The following PDE1C variants were observed in gnomAD, a reference collection of about 807,000 sequenced individuals.
PDE1C encodes phosphodiesterase 1C.
Under a neutral mutation model 93.1 loss-of-function variants are expected in PDE1C, and 62 were observed. The observed-to-expected ratio is 0.67, with a 90% CI of 0.54 to 0.82. The LOEUF (loss-of-function observed/expected upper bound fraction) is 0.82. PDE1C is among the 40% of genes least tolerant of loss of function. The pLI, the probability that PDE1C is intolerant of heterozygous loss-of-function variation, is 0.00. For missense variants in PDE1C, 742 were observed against 884.6 expected (o/e 0.84, Z 2.04); for synonymous variants, 325 against 310.1 (o/e 1.05, Z -0.50).
chr7:32,117,710 G>A (rs1196645471), intron 3 of PDE1C, among the ~76,000 whole-genome samples: 2 of 152,174 alleles, frequency 1.3e-5, no homozygotes, highest in East Asian at 3.9e-4. Context: ...GGCTAGAGGT[G>A]TGTTTCTTAT....
At chr7:31,677,750 T>C in the PDE1C span, among the ~76,000 whole-genome samples, 687 of 152,260 alleles carry the variant, frequency 4.5e-3, 4 homozygotes, top group African/African-American at 0.016. Context: ...AGCTATGGCA[T>C]TTCCTCAGCA....
At chr7:32,017,423 A>G (rs1234243049) in intron 2 of PDE1C, among the ~76,000 whole-genome samples, 2 of 152,188 alleles carry the variant, frequency 1.3e-5, no homozygotes, top group Non-Finnish European at 2.9e-5. Context: ...ATAAATCTAC[A>G]TGACCTTAGA....
At chr7:31,919,227 G>C (rs1434822054) in intron 2 of PDE1C, among the ~76,000 whole-genome samples, 1 of 152,174 alleles carries the variant, frequency 6.6e-6, no homozygotes, top group African/African-American at 2.4e-5. Context: ...TAAATATTTA[G>C]CTTAGGTATC....
At chr7:32,328,207 T>G (rs1783442529) in intron 1 of PDE1C, among the ~76,000 whole-genome samples, 1 of 152,208 alleles carries the variant, frequency 6.6e-6, no homozygotes, top group South Asian at 2.1e-4. Flanking sequence ...TGCCAAGGCT[T>G]GATTTTGTGC....
chr7:31,889,418 G>A (rs1272266152), intron 2 of PDE1C, among the ~76,000 whole-genome samples: 1 of 152,192 alleles, frequency 6.6e-6, no homozygotes, highest in Non-Finnish European at 1.5e-5. Context: ...AATGTAAGTT[G>A]TTTTTGAACT....
the PDE1C span, among the ~76,000 whole-genome samples, chr7:31,634,345 T>C: frequency 6.6e-6 from 1 of 152,244 alleles, no homozygotes; most frequent in African/African-American, 2.4e-5. Context: ...ATATTAATAA[T>C]GATGTCCTGC....
intron 1 of PDE1C, among the ~76,000 whole-genome samples, chr7:32,350,530 A>T: frequency 6.7e-6 from 1 of 149,790 alleles, no homozygotes; most frequent in Non-Finnish European, 1.5e-5. Flanking sequence ...ACTAAGGTCT[A>T]TGCATGGCAT....
At chr7:31,772,573 TA>T (rs1255161484) in intron 17 of PDE1C, among the ~76,000 whole-genome samples, 7 of 146,488 alleles carry the variant, frequency 4.8e-5, no homozygotes, top group Admixed American at 2.0e-4. Context: ...TTAAAAGATA[TA>T]TTTTTTTATT....
rs570687355 is a variant in PDE1C at position 32,170,556 on chromosome 7, TG to T, written c.137-601del. 3.5e-4 allele frequency among the ~76,000 whole-genome samples: 53 copies of T among 152,280 alleles called. 1 individual carries two copies. The highest frequency in any genetic ancestry group is 7.2e-4 in the Admixed American group (11 of 15,294). Reference sequence around the variant, plus strand: ...AGGTGATCAAGATCAAACTCAACAGTGAGAAGTTGTGTTGATAGTGTGTGCC... The same window carrying T: ...AGGTGATCAAGATCAAACTCAACAGTAGAAGTTGTGTTGATAGTGTGTGCC... On this transcript the variant is annotated intron_variant, in intron 2 of 18. Coordinates refer to the PDE1C transcript ENST00000396193.
At chr7:31,968,847 C>A (rs915435392) in intron 2 of PDE1C, among the ~76,000 whole-genome samples, 17 of 152,274 alleles carry the variant, frequency 1.1e-4, no homozygotes, top group African/African-American at 4.1e-4. Flanking sequence ...ACTATCTGAT[C>A]TTTGACAAAC....
Position 32,402,370 on chromosome 7 carries a change from G to A in PDE1C, c.310+25452C>T, listed in dbSNP as rs533458921. ...AGTGGGGTAGTTTTAGCCCAAGCCC[G>A]GAAGCCTAAGAACCAGGACAGCTGA... On this transcript the variant is annotated intron_variant, in intron 1 of 1. Transcript: ENST00000672256. 4.3e-4 allele frequency among the ~76,000 whole-genome samples: 65 copies of A among 152,204 alleles called. No homozygotes were observed. In the Middle Eastern group the frequency reaches 0.027, roughly 64 times the overall value.
At chr7:32,376,832 C>T (rs1327236368) in intron 1 of PDE1C, among the ~76,000 whole-genome samples, 7 of 152,134 alleles carry the variant, frequency 4.6e-5, no homozygotes, top group Non-Finnish European at 1.0e-4. Flanking sequence ...GGACTACGGG[C>T]GCCCGCCACC....
chr7:31,688,312 G>A, the PDE1C span, among the ~76,000 whole-genome samples: 35,445 of 152,142 alleles, frequency 0.23, 4,887 homozygotes, highest in African/African-American at 0.38. Context: ...GCAGCCAAAC[G>A]TTGGCTTCTA....
At chr7:32,414,716 T>G (rs1785237325) in intron 1 of PDE1C, among the ~76,000 whole-genome samples, 1 of 151,932 alleles carries the variant, frequency 6.6e-6, no homozygotes. Flanking sequence ...TCCCTTGTAA[T>G]ATGTGACAGT....
At chr7:32,062,379 G>A (rs1283392020) in intron 1 of PDE1C, among the ~76,000 whole-genome samples, 3 of 152,112 alleles carry the variant, frequency 2.0e-5, no homozygotes, top group Non-Finnish European at 4.4e-5. Context: ...AGCTGTGTCT[G>A]GAGCCTTCGC....
intron 2 of PDE1C, among the ~76,000 whole-genome samples, chr7:31,934,508 T>C (rs1399734046): frequency 6.7e-6 from 1 of 148,618 alleles, no homozygotes; most frequent in African/African-American, 2.5e-5. Context: ...ATCTTTAAAG[T>C]AGAAAATTTA....
chr7:32,320,454 T>C (rs975427248), intron 1 of PDE1C, among the ~76,000 whole-genome samples: 3 of 152,122 alleles, frequency 2.0e-5, no homozygotes, highest in Admixed American at 1.3e-4. Flanking sequence ...CAAACCACCA[T>C]GGCACACGTT....
chr7:31,642,128 G>C, the PDE1C span: 3 of 1,386,526 alleles, frequency 2.2e-6, no homozygotes, highest in Admixed American at 4.1e-5. Context: ...AGTCCTGCTG[G>C]CTGCGTGTTT....
At chr7:32,056,865 C>G (rs552529574) in intron 1 of PDE1C, among the ~76,000 whole-genome samples, 2 of 152,176 alleles carry the variant, frequency 1.3e-5, no homozygotes, top group Non-Finnish European at 2.9e-5. Context: ...TCTTGGAACA[C>G]TTGAACCACA....
Sources: gnomAD v4.1 joint callset for allele counts (sites outside exome capture counted in the v4.1 genomes callset) on GRCh38, gnomAD v4.1.1 for gene constraint, MANE v1.5 for transcripts, NCBI Gene and HGNC (gene_info 2026-07-23, HGNC 2026-07-21) for gene names.